Variants in NLRP9 observed in about 807,000 individuals in gnomAD.
The protein encoded by NLRP9 is NLR family pyrin domain containing 9.
Under a neutral mutation model 83.1 loss-of-function variants are expected in NLRP9, and 88 were observed. That is an observed-to-expected ratio of 1.06 (90% CI 0.89 to 1.26). The LOEUF is 1.26. NLRP9 is among the 50% of genes most tolerant of loss of function. NLRP9 has a pLI of 0.00. For synonymous variants in NLRP9, 521 were observed against 447.6 expected (o/e 1.16, Z -2.07); for missense variants, 1,308 against 1,179.3 (o/e 1.11, Z -1.60).
chr19:55,729,342 C>T (rs1288443970), intron 3 of NLRP9, among the ~76,000 whole-genome samples: 3 of 151,680 alleles, frequency 2.0e-5, no homozygotes, highest in Admixed American at 6.6e-5. Flanking sequence ...CCCATTAACT[C>T]GTCATTTACA....
In NLRP9 at chr19:55,733,491, C is replaced by T. The variant is rs1210150376; in HGVS notation, c.340G>A (p.Glu114Lys). 1.2e-6 allele frequency: 2 copies of T among 1,612,416 alleles called. No homozygotes were observed. The highest frequency in any genetic ancestry group is 1.7e-6 in the Non-Finnish European group (2 of 1,179,364). Residue 114 changes from glutamate to lysine, a missense_variant, in exon 2 of 9, where the codon GAA becomes AAA. Transcript: ENST00000332836. ...TGCTCAGGGACGTGAAGACAGGTTT[C>T]CTTCTCCCATATGAGTTGAAATGTT... The part of the protein sequence containing the change: ...KETFQLIWEK[E>K]TCLHVPEHFY...
chr19:55,720,949 A>G (rs572065058), intron 4 of NLRP9, among the ~76,000 whole-genome samples: 1 of 152,348 alleles, frequency 6.6e-6, no homozygotes, highest in Non-Finnish European at 1.5e-5. Context: ...AATGCAAATT[A>G]AAACCACTCA....
intron 4 of NLRP9, among the ~76,000 whole-genome samples, chr19:55,723,161 AAAAG>A (rs1242617531): frequency 1.3e-5 from 2 of 152,134 alleles, no homozygotes; most frequent in African/African-American, 4.8e-5. Flanking sequence ...TAATAATAGA[AAAAG>A]AAAGATAGAT....
intron 8 of NLRP9, chr19:55,709,286 T>C: frequency 3.7e-6 from 1 of 271,884 alleles, no homozygotes; most frequent in Non-Finnish European, 6.8e-6. Flanking sequence ...TCAAAAAAGA[T>C]GAATTTAAGT....
rs1987536342 is a variant in NLRP9, at chr19:55,708,487, G to C, written c.*425C>G. ...AAGAAAATTGATCAAATCGAAATCT[G>C]GACAAACTAGAAAGTCTGGATGCTA... On this transcript the variant is annotated 3_prime_UTR_variant, in exon 9 of 9. Transcript: ENST00000332836. 1.3e-5 allele frequency: 2 copies of C among 153,594 alleles called. No homozygotes were observed. The highest frequency in any genetic ancestry group is 2.9e-5 in the Non-Finnish European group (2 of 69,086). The allele number at this position is 153,594 out of a possible 1,614,324, so 9.5% of individuals were successfully genotyped here. A position where few individuals can be genotyped will look rare whatever the true frequency, so the allele number is the denominator to read the frequency against.
At chr19:55,717,730 A>C (rs946111324) in intron 4 of NLRP9, among the ~76,000 whole-genome samples, 2 of 152,200 alleles carry the variant, frequency 1.3e-5, no homozygotes, top group African/African-American at 4.8e-5. Context: ...AGGTGTCCTA[A>C]AACTTAACCC....
At chr19:55,737,775 A>G (rs1988824752) in intron 1 of NLRP9, among the ~76,000 whole-genome samples, 1 of 148,126 alleles carries the variant, frequency 6.8e-6, no homozygotes, top group Admixed American at 6.7e-5. Flanking sequence ...GGCAACTACC[A>G]TACTAGAATT....
At chr19:55,711,632 C>T (rs28527338) in intron 8 of NLRP9, 168 bp downstream of exon 8, 109,673 of 863,768 alleles carry the variant, frequency 0.13, 7,743 homozygotes, top group Middle Eastern at 0.17. Context: ...TGACATCTTA[C>T]AATGTCAATG....
intron 4 of NLRP9, among the ~76,000 whole-genome samples, chr19:55,719,767 G>A (rs1207342152): frequency 6.6e-6 from 1 of 152,172 alleles, no homozygotes; most frequent in Non-Finnish European, 1.5e-5. Context: ...GTTCTCAGAA[G>A]CCTGTGCAAA....
intron 4 of NLRP9, among the ~76,000 whole-genome samples, chr19:55,719,965 AT>A (rs1189629174): frequency 2.3e-4 from 35 of 152,234 alleles, no homozygotes; most frequent in Non-Finnish European, 7.3e-5. Context: ...GGCAGCCTGA[AT>A]GGGATGGAAT....
intron 5 of NLRP9, among the ~76,000 whole-genome samples, chr19:55,715,939 A>G (rs562410168): frequency 1.3e-5 from 2 of 152,338 alleles, no homozygotes; most frequent in Non-Finnish European, 2.9e-5. Flanking sequence ...GGTTTTGTTA[A>G]AAGAATAGAT....
chr19:55,729,988 T>G lies in NLRP9; in HGVS notation c.1837A>C (p.Asn613His), dbSNP rs370595551. The G allele has an allele frequency of 1.9e-6, 3 of 1,611,604 alleles. No homozygotes were observed. Among genetic ancestry groups the G allele is most frequent in the Admixed American group, 3.4e-5 (2 of 59,536 alleles). ...TCCCGCCAGTAGACGAGCTTCTCAT[T>G]GTAACTATGAGAGAACAAAGATTGT... The part of the protein sequence containing the change: ...PDDSGCISDY[N>H]EKLVYWRELC... Residue 613 changes from asparagine (N) to histidine (H), a missense_variant, in exon 3 of 9, where the codon AAT becomes CAT. Asn to His is a moderately conservative substitution (Grantham distance 68). Coordinates refer to ENST00000332836, the MANE Select transcript of NLRP9 (RefSeq NM_176820.4).
chr19:55,715,685 A>G (rs1987981622), intron 5 of NLRP9, among the ~76,000 whole-genome samples: 2 of 152,034 alleles, frequency 1.3e-5, no homozygotes, highest in African/African-American at 4.8e-5. Flanking sequence ...ACTCCGTCTC[A>G]AAAAAAAGAA....
chr19:55,729,699 T>A, intron 3 of NLRP9, 132 bp downstream of exon 3: 1 of 689,064 alleles, frequency 1.5e-6, no homozygotes, highest in Non-Finnish European at 2.4e-6. Flanking sequence ...TAAACATACA[T>A]GTACATGTCA....
At chr19:55,717,262 A>C (rs1392675396) in intron 4 of NLRP9, among the ~76,000 whole-genome samples, 1 of 152,002 alleles carries the variant, frequency 6.6e-6, no homozygotes, top group Non-Finnish European at 1.5e-5. Flanking sequence ...CGAACTCCTG[A>C]CCTCAAGAGA....
rs1357531713 is a variant in NLRP9, at chr19:55,733,498, C to G, written c.333G>C (p.Trp111Cys). ...GGACGTGAAGACAGGTTTCCTTCTC[C>G]CATATGAGTTGAAATGTTTCCTTCA... is the stretch of plus-strand genomic sequence containing the variant. Reference protein sequence around the residue: ...KHMKETFQLIWEKETCLHVPE... With the variant: ...KHMKETFQLICEKETCLHVPE... The change falls in exon 2 of 9, where the codon TGG becomes TGC. Residue 111 changes from tryptophan (W) to cysteine (C), a missense_variant. By Grantham distance (215) the Trp-to-Cys change is radical (BLOSUM62 -2). Transcript: ENST00000332836. 6.2e-7 allele frequency: 1 copy of G among 1,610,952 alleles called. No individual in the cohort carries two copies. Among genetic ancestry groups the G allele is most frequent in the Admixed American group, 1.7e-5 (1 of 59,466 alleles).
intron 4 of NLRP9, among the ~76,000 whole-genome samples, chr19:55,722,700 A>T (rs1481113876): frequency 6.6e-6 from 1 of 152,222 alleles, no homozygotes; most frequent in Non-Finnish European, 1.5e-5. Context: ...ATGCACATGT[A>T]TGTTTACTGC....
intron 3 of NLRP9, among the ~76,000 whole-genome samples, chr19:55,726,822 G>C (rs886183725): frequency 6.6e-6 from 1 of 152,098 alleles, no homozygotes; most frequent in Admixed American, 6.6e-5. Flanking sequence ...CTCAGCAATT[G>C]CATTTATCAT....
intron 3 of NLRP9, among the ~76,000 whole-genome samples, chr19:55,725,172 C>A (rs115457712): frequency 6.6e-6 from 1 of 152,090 alleles, no homozygotes; most frequent in African/African-American, 2.4e-5. Flanking sequence ...AAACCAAATA[C>A]GTAACTACAA....
Sources: gnomAD v4.1 joint callset for allele counts (sites outside exome capture counted in the v4.1 genomes callset) on GRCh38, gnomAD v4.1.1 for gene constraint, MANE v1.5 for transcripts, NCBI Gene and HGNC (gene_info 2026-07-23, HGNC 2026-07-21) for gene names.